Variants in CGREF1 observed in about 807,000 individuals in gnomAD.
CGREF1 encodes the protein cell growth regulator with EF hand domain protein 1.
In CGREF1, 16 loss-of-function variants were observed where a neutral mutation model predicts 17.4. The ratio of observed to expected loss-of-function variants is 0.92; its 90% CI spans 0.62 to 1.40. The LOEUF (loss-of-function observed/expected upper bound fraction) is 1.40, where lower values mean the gene tolerates loss of function less well. Among genes scored for constraint, CGREF1 ranks in the 40% most tolerant of loss-of-function variants. The pLI is 0.00. For synonymous variants in CGREF1, 142 were observed against 154.6 expected (o/e 0.92, Z 0.61); for missense variants, 296 against 376.4 (o/e 0.79, Z 1.77).
At position 27,101,437 on chromosome 2, in the gene CGREF1, GCCTCT is replaced by G; in HGVS notation, c.789_793del (p.Glu264Ter). 6.6e-7 allele frequency: 1 copy of G among 1,513,432 alleles called. No homozygotes were observed. Among genetic ancestry groups the G allele is most frequent in the Non-Finnish European group, 8.9e-7 (1 of 1,126,442 alleles). 93.8% of individuals were successfully genotyped at this position (1,513,432 alleles called of 1,614,324 possible). ...TCTGGGCCCGGGGGCATCTCCTTCA[GCCTCT>G]GCCTGGCCCCCAGCTTCCCCTCTGG... On this transcript the variant is annotated frameshift_variant, in exon 6 of 6. Transcript: ENST00000402394. LOFTEE classifies it low-confidence loss of function (END_TRUNC).
At chr2:27,110,555 T>C (rs760986089) in intron 1 of CGREF1, 3 of 147,154 alleles carry the variant, frequency 2.0e-5, no homozygotes, top group Non-Finnish European at 4.5e-5. Flanking sequence ...GTGGTTTCTT[T>C]AAAAAGACTA....
At chr2:27,099,768 TCA>T (rs370253620), downstream of CGREF1, 30,586 of 1,612,704 alleles carry the variant, frequency 0.019, 409 homozygotes, top group South Asian at 0.042. Context: ...TGCCGGCTCC[TCA>T]CACACCATGG....
chr2:27,117,705 AT>A (rs35908937), intron 1 of CGREF1, among the ~76,000 whole-genome samples: 3,526 of 123,106 alleles, frequency 0.029, 58 homozygotes, highest in African/African-American at 0.07. Context: ...TGGGATCTGA[AT>A]TTTTTTTTTT....
chr2:27,110,858 G>A (rs1486202664), intron 1 of CGREF1: 1 of 152,628 alleles, frequency 6.6e-6, no homozygotes, highest in East Asian at 1.9e-4. Context: ...CGCTGGCTCA[G>A]GAATGCAGCT....
At chr2:27,099,946 G>C, downstream of CGREF1, 2 of 1,245,476 alleles carry the variant, frequency 1.6e-6, no homozygotes, top group South Asian at 2.6e-5. Context: ...GAGCCTCAGA[G>C]CAAATAAATC....
At chr2:27,100,104 G>A (rs1670718614), downstream of CGREF1, 2 of 574,970 alleles carry the variant, frequency 3.5e-6, no homozygotes, top group Non-Finnish European at 6.2e-6. Flanking sequence ...CTGGGCTAGA[G>A]CAGCGAGAAG....
At chr2:27,111,806 C>T (rs1438508683) in intron 1 of CGREF1, among the ~76,000 whole-genome samples, 1 of 151,922 alleles carries the variant, frequency 6.6e-6, no homozygotes, top group African/African-American at 2.4e-5. Flanking sequence ...TCGCGCTGGC[C>T]GGCAAGCGCC....
chr2:27,101,867 C>CT lies in CGREF1; in HGVS notation c.363dup (p.Val122SerfsTer17), dbSNP rs777150495. The CT allele has an allele frequency of 1.9e-6, 3 of 1,613,042 alleles. No homozygotes were observed. Among genetic ancestry groups the CT allele is most frequent in the South Asian group, 1.1e-5 (1 of 91,078 alleles). ...CCATTCAGGTCCTGGGTCTCGAGCA[C>CT]TTTGTCCACTATCAAGATCACCTGT... is the stretch of plus-strand genomic sequence containing the variant. On this transcript the variant is annotated frameshift_variant, in exon 6 of 6. Coordinates refer to ENST00000402394, the MANE Select transcript of CGREF1 (RefSeq NM_006569.6). LOFTEE classifies it low-confidence loss of function (END_TRUNC).
chr2:27,111,825 C>T (rs1199285131), intron 1 of CGREF1, among the ~76,000 whole-genome samples: 2 of 151,986 alleles, frequency 1.3e-5, no homozygotes, highest in African/African-American at 4.8e-5. Flanking sequence ...CCGCGCGCAG[C>T]CCCGGTTCGC....
At chr2:27,116,597 T>G in intron 1 of CGREF1, among the ~76,000 whole-genome samples, 1 of 149,120 alleles carries the variant, frequency 6.7e-6, no homozygotes, top group Non-Finnish European at 1.5e-5. Flanking sequence ...TGAGATAGAG[T>G]CTCACTCTGC....
At chr2:27,102,709 C>A in intron 2 of CGREF1, 118 bp from the exon 3 acceptor site, 1 of 1,155,738 alleles carries the variant, frequency 8.7e-7, no homozygotes, top group Non-Finnish European at 1.2e-6. Flanking sequence ...GAGTTGCCCC[C>A]AAAATTCCAA....
At chr2:27,110,648 G>A (rs1014490522) in intron 1 of CGREF1, 1 of 152,572 alleles carries the variant, frequency 6.6e-6, no homozygotes, top group African/African-American at 2.4e-5. Flanking sequence ...TAGGAACAAA[G>A]AGAGCCAGGT....
At chr2:27,108,110 C>T (rs1356046790) in intron 1 of CGREF1, among the ~76,000 whole-genome samples, 2 of 151,874 alleles carry the variant, frequency 1.3e-5, no homozygotes, top group Admixed American at 6.6e-5. Context: ...CACAAGTTAG[C>T]TGGGCTTGGT....
chr2:27,101,005 C>A lies in CGREF1; in HGVS notation c.*269G>T. ...AACACTGGGCAGGCGGCATCCCTGT[C>A]CTTTCGGTCCCCAACCCCGTTCCTC... On this transcript the variant is annotated 3_prime_UTR_variant, in exon 6 of 6. Coordinates refer to ENST00000402394, the MANE Select transcript of CGREF1 (RefSeq NM_006569.6). 1 of 1,265,096 alleles carries A rather than the reference C, an allele frequency of 7.9e-7. No individual in the cohort carries two copies. Among genetic ancestry groups the A allele is most frequent in the Non-Finnish European group, 9.9e-7 (1 of 1,006,942 alleles). The allele number at this position is 1,265,096 out of a possible 1,614,324, so 78.4% of individuals were successfully genotyped here.
Position 27,114,289 on chromosome 2 carries a change from G to A in CGREF1, c.-12+4557C>T, listed in dbSNP as rs116162800. Reference sequence around the variant, plus strand: ...ATTATAGGTGTGAGCCACCACACCCGGCCCTCAGATGCCTTTTAAAGGAGG... The same window carrying A: ...ATTATAGGTGTGAGCCACCACACCCAGCCCTCAGATGCCTTTTAAAGGAGG... On this transcript the variant is annotated intron_variant, in intron 1 of 5. Coordinates refer to ENST00000402394, the MANE Select transcript of CGREF1 (RefSeq NM_006569.6). Among the ~76,000 whole-genome samples the A allele has an allele frequency of 4.0e-3, 597 of 150,964 alleles. 2 individuals are homozygous for A. Among genetic ancestry groups the A allele is most frequent in the African/African-American group, 0.014 (567 of 41,060 alleles).
At chr2:27,105,851 T>A (rs951928386) in intron 1 of CGREF1, among the ~76,000 whole-genome samples, 1 of 152,220 alleles carries the variant, frequency 6.6e-6, no homozygotes, top group African/African-American at 2.4e-5. Flanking sequence ...TTGGCCCGTC[T>A]TCATTTTTCT....
chr2:27,117,705 ATTTTTTTTTT>A (rs35908937), intron 1 of CGREF1, among the ~76,000 whole-genome samples: 1 of 123,180 alleles, frequency 8.1e-6, no homozygotes, highest in Non-Finnish European at 1.6e-5. Context: ...TGGGATCTGA[ATTTTTTTTTT>A]TTTTTTTTTT....
chr2:27,118,106 G>T (rs1671654706), intron 1 of CGREF1, among the ~76,000 whole-genome samples: 1 of 152,128 alleles, frequency 6.6e-6, no homozygotes, highest in Admixed American at 6.5e-5. Context: ...GTAGGTGCCT[G>T]GCACCAAGCA....
At chr2:27,112,140 G>A (rs964736398) in intron 1 of CGREF1, among the ~76,000 whole-genome samples, 7 of 152,190 alleles carry the variant, frequency 4.6e-5, no homozygotes, top group African/African-American at 1.7e-4. Flanking sequence ...AGCTGGGTGT[G>A]GTGGTGCACG....
Sources: gnomAD v4.1 joint callset for allele counts (sites outside exome capture counted in the v4.1 genomes callset) on GRCh38, gnomAD v4.1.1 for gene constraint, MANE v1.5 for transcripts, NCBI Gene and HGNC (gene_info 2026-07-23, HGNC 2026-07-21) for gene names.